Variants in EBF1 observed in about 807,000 individuals in gnomAD.
The protein encoded by EBF1 is EBF transcription factor 1, also known as transcription factor COE1.
In EBF1, 10 loss-of-function variants were observed where a neutral mutation model predicts 68.4. The observed-to-expected ratio is 0.15, with a 90% CI of 0.09 to 0.25. The LOEUF (loss-of-function observed/expected upper bound fraction) is 0.25. Ranked by LOEUF, EBF1 falls within the 10% of genes least tolerant of loss-of-function variation. The pLI, the probability that EBF1 is intolerant of heterozygous loss-of-function variation, is 1.00. For missense variants in EBF1, 509 were observed against 794.4 expected (o/e 0.64, Z 4.32); for synonymous variants, 298 against 299.8 (o/e 0.99, Z 0.06).
intron 10 of EBF1, among the ~76,000 whole-genome samples, chr5:158,772,906 A>C (rs1467628473): frequency 1.3e-5 from 2 of 152,192 alleles, no homozygotes; most frequent in African/African-American, 2.4e-5. Flanking sequence ...AAACAACCCC[A>C]GCAAGGTATT....
At chr5:158,744,740 C>G (rs1767178428) in intron 10 of EBF1, among the ~76,000 whole-genome samples, 1 of 152,216 alleles carries the variant, frequency 6.6e-6, no homozygotes, top group Non-Finnish European at 1.5e-5. Context: ...GATCAGTCCC[C>G]AGTCCTAAAG....
intron 6 of EBF1, among the ~76,000 whole-genome samples, chr5:159,069,428 A>G (rs759419618): frequency 3.3e-5 from 5 of 152,176 alleles, no homozygotes; most frequent in African/African-American, 4.8e-5. Flanking sequence ...CTGTGTGAAA[A>G]GAAGCCTCCA....
intron 10 of EBF1, among the ~76,000 whole-genome samples, chr5:158,766,492 G>A (rs568313358): frequency 2.0e-4 from 30 of 152,140 alleles, no homozygotes; most frequent in Non-Finnish European, 3.8e-4. Flanking sequence ...AAATTTATAT[G>A]TGAAATATTG....
chr5:158,875,248 T>C (rs185337800), intron 6 of EBF1, among the ~76,000 whole-genome samples: 54 of 152,314 alleles, frequency 3.5e-4, no homozygotes, highest in African/African-American at 1.3e-3. Context: ...AATTTGTCAA[T>C]AGGGTAGAGG....
chr5:158,921,556 G>C (rs1182559401), intron 6 of EBF1, among the ~76,000 whole-genome samples: 1 of 152,030 alleles, frequency 6.6e-6, no homozygotes, highest in Non-Finnish European at 1.5e-5. Context: ...CATCCTTCAG[G>C]TTCACAAATG....
intron 6 of EBF1, among the ~76,000 whole-genome samples, chr5:158,948,025 T>C (rs1454569724): frequency 1.3e-5 from 2 of 152,238 alleles, no homozygotes; most frequent in African/African-American, 2.4e-5. Context: ...TTTTAAGACA[T>C]GAATCCCCCA....
intron 6 of EBF1, among the ~76,000 whole-genome samples, chr5:158,850,547 G>A (rs1046055974): frequency 6.6e-6 from 1 of 152,152 alleles, no homozygotes; most frequent in Admixed American, 6.5e-5. Context: ...TGGACCAGAG[G>A]GGCATTTGAA....
intron 11 of EBF1, among the ~76,000 whole-genome samples, chr5:158,716,086 A>G (rs2127499367): frequency 6.6e-6 from 1 of 152,302 alleles, no homozygotes; most frequent in African/African-American, 2.4e-5. Context: ...ACTATAATTG[A>G]GGACTTAGAG....
At chr5:158,729,882 C>T (rs1031559798) in intron 11 of EBF1, among the ~76,000 whole-genome samples, 7 of 152,310 alleles carry the variant, frequency 4.6e-5, no homozygotes, top group East Asian at 1.9e-4. Flanking sequence ...CCTCTCCATG[C>T]GCCTCACCTC....
intron 6 of EBF1, among the ~76,000 whole-genome samples, chr5:158,901,082 G>A (rs1196438220): frequency 6.6e-6 from 1 of 152,184 alleles, no homozygotes. Flanking sequence ...CTGGACTATT[G>A]AGCCAGAAGT....
intron 6 of EBF1, among the ~76,000 whole-genome samples, chr5:158,928,023 TA>T (rs1051604499): frequency 6.6e-6 from 1 of 152,244 alleles, no homozygotes; most frequent in African/African-American, 2.4e-5. Context: ...AAAGTTGCTT[TA>T]ACCATTTAAA....
chr5:158,708,744 A>G (rs998727140), intron 14 of EBF1, among the ~76,000 whole-genome samples: 19 of 152,352 alleles, frequency 1.2e-4, no homozygotes, highest in African/African-American at 4.6e-4. Flanking sequence ...AGGCTGGGGT[A>G]GGGGGAACAG....
intron 10 of EBF1, among the ~76,000 whole-genome samples, chr5:158,761,135 T>G (rs1288007896): frequency 2.0e-5 from 3 of 152,162 alleles, no homozygotes; most frequent in Non-Finnish European, 4.4e-5. Flanking sequence ...CATCTGAAAT[T>G]TCATTCCTAA....
At chr5:158,886,922 A>G (rs1252168361) in intron 6 of EBF1, among the ~76,000 whole-genome samples, 1 of 152,172 alleles carries the variant, frequency 6.6e-6, no homozygotes, top group Non-Finnish European at 1.5e-5. Context: ...GAATTGCTTG[A>G]ACCCAGGAGG....
intron 8 of EBF1, among the ~76,000 whole-genome samples, chr5:158,799,425 AAATAAATT>A: frequency 9.3e-6 from 1 of 107,952 alleles, no homozygotes; most frequent in East Asian, 2.6e-4. Flanking sequence ...TAAAATAAAT[AAATAAATT>A]AATTAATTAA....
intron 6 of EBF1, among the ~76,000 whole-genome samples, chr5:159,007,573 G>A (rs1216357600): frequency 2.6e-5 from 4 of 152,152 alleles, no homozygotes; most frequent in Middle Eastern, 3.2e-3. Context: ...GGGAAAAAGT[G>A]AGGAATGTGC....
In EBF1 at chr5:158,814,209, G is replaced by A. The variant is rs12513670; in HGVS notation, c.778+8967C>T. ...ATCAAAATAATTAGCCTGATGTGAT[G>A]GAGTGCACCTGTAGTCCCAGCTACT... On this transcript the variant is annotated intron_variant, in intron 8 of 15. Coordinates refer to ENST00000313708, the MANE Select transcript of EBF1 (RefSeq NM_024007.5). Among the ~76,000 whole-genome samples, 1,397 of 152,238 alleles carry A rather than the reference G, an allele frequency of 9.2e-3. 23 individuals are homozygous for A. The highest frequency in any genetic ancestry group is 0.032 in the African/African-American group (1,324 of 41,534).
chr5:158,975,762 G>T (rs2127573631), intron 6 of EBF1, among the ~76,000 whole-genome samples: 1 of 152,282 alleles, frequency 6.6e-6, no homozygotes, highest in East Asian at 1.9e-4. Context: ...GCTGGAAGGG[G>T]CTCACATTGA....
At position 158,719,298 on chromosome 5, in the gene EBF1, C is replaced by G. The variant is rs146457160; in HGVS notation, c.1126-5116G>C. 1.1e-4 allele frequency among the ~76,000 whole-genome samples: 17 copies of G among 152,178 alleles called. No homozygotes were observed. The East Asian group carries it at 3.3e-3, about 29-fold the overall frequency. On this transcript the variant is annotated intron_variant, in intron 11 of 15. Coordinates refer to ENST00000313708, the MANE Select transcript of EBF1 (RefSeq NM_024007.5). ...GAATCATGTCTAGTACAGACATTAT[C>G]TCAAGTTATAGGCTGCTAGCAACAT... is the stretch of plus-strand genomic sequence containing the variant.
Sources: gnomAD v4.1 joint callset for allele counts (sites outside exome capture counted in the v4.1 genomes callset) on GRCh38, gnomAD v4.1.1 for gene constraint, MANE v1.5 for transcripts, NCBI Gene and HGNC (gene_info 2026-07-23, HGNC 2026-07-21) for gene names.